ZNF84: variants seen among roughly 807,000 people sequenced by gnomAD.
ZNF84 encodes zinc finger protein HPF2.
Under a neutral mutation model 14.8 loss-of-function variants are expected in ZNF84, and 12 were observed. The ratio of observed to expected loss-of-function variants is 0.81; its 90% CI spans 0.52 to 1.31. ZNF84 has a LOEUF of 1.31. Among genes scored for constraint, ZNF84 ranks in the 50% most tolerant of loss-of-function variants. ZNF84 has a pLI of 0.00. For synonymous variants in ZNF84, 347 were observed against 291.1 expected (o/e 1.19, Z -1.96); for missense variants, 859 against 878.6 (o/e 0.98, Z 0.28).
At position 133,058,455 on chromosome 12, in the gene ZNF84, C is replaced by G; in HGVS notation, c.1740C>G (p.Phe580Leu). ...PYECRDCEKAFSQKSQLNTHQ... is the reference protein window; with the variant it reads ...PYECRDCEKALSQKSQLNTHQ... ...AATGCAGGGACTGTGAAAAAGCTTT[C>G]TCCCAGAAATCACAGCTAAATACCC... Residue 580 changes from phenylalanine (F) to leucine (L), a missense_variant, in exon 5 of 5, where the codon TTC becomes TTG. Phe to Leu is a conservative substitution (Grantham distance 22). Coordinates refer to ENST00000539354, the MANE Select transcript of ZNF84 (RefSeq NM_001289971.2). The G allele has an allele frequency of 6.2e-7, 1 of 1,614,052 alleles. No homozygotes were observed. Among genetic ancestry groups the G allele is most frequent in the Non-Finnish European group, 8.5e-7 (1 of 1,180,016 alleles).
intron 4 of ZNF84, among the ~76,000 whole-genome samples, chr12:133,049,857 C>T (rs1420754096): frequency 2.0e-5 from 3 of 152,186 alleles, no homozygotes; most frequent in East Asian, 1.9e-4. Flanking sequence ...TAAAGCCTTC[C>T]TCCCTCAACT....
intron 2 of ZNF84, among the ~76,000 whole-genome samples, chr12:133,042,076 T>G (rs973634444): frequency 6.6e-6 from 1 of 152,206 alleles, no homozygotes; most frequent in Admixed American, 6.5e-5. Context: ...GCCTCATCCC[T>G]TGGTCCAGCA....
At position 133,060,264 on chromosome 12, in the gene ZNF84, T is replaced by A. The variant is rs997915967; in HGVS notation, c.*1332T>A. The stretch of plus-strand genomic sequence containing the variant: ...TGTAAAAATTAGATGGATAAATGAA[T>A]TATTAAAAAATCACATTTCTGAAGA... On this transcript the variant is annotated 3_prime_UTR_variant, in exon 5 of 5. Coordinates refer to ENST00000539354, the MANE Select transcript of ZNF84 (RefSeq NM_001289971.2). The A allele has an allele frequency of 1.9e-4, 29 of 151,904 alleles. No individual in the cohort carries two copies. Among genetic ancestry groups the A allele is most frequent in the African/African-American group, 6.8e-4 (28 of 41,228 alleles). 9.4% of individuals were successfully genotyped at this position (151,904 alleles called of 1,614,324 possible). A position where few individuals can be genotyped will look rare whatever the true frequency, so the allele number is the denominator to read the frequency against.
rs1478919653 is a variant in ZNF84, at chr12:133,057,794, C to T, written c.1079C>T (p.Ser360Leu). Residue 360 changes from serine (S) to leucine (L), a missense_variant, in exon 5 of 5, where the codon TCA becomes TTA. By Grantham distance (145) the Ser-to-Leu change is moderately radical. Transcript: ENST00000539354. Reference protein sequence around the residue: ...RECGKAFSRKSQLVTHHRTHT... With the variant: ...RECGKAFSRKLQLVTHHRTHT... ...TGTGGGAAAGCCTTCAGCAGGAAGT[C>T]ACAACTCGTTACACATCACAGAACT... is the stretch of plus-strand genomic sequence containing the variant. The T allele has an allele frequency of 6.2e-7, 1 of 1,614,158 alleles. No individual in the cohort carries two copies. The highest frequency in any genetic ancestry group is 1.3e-5 in the African/African-American group (1 of 75,024).
At chr12:133,046,347 GTTTTTTTTTTTT>G (rs58214468) in intron 2 of ZNF84, among the ~76,000 whole-genome samples, 14 of 116,402 alleles carry the variant, frequency 1.2e-4, no homozygotes, top group African/African-American at 4.0e-4. Context: ...AGTCCTCACA[GTTTTTTTTTTTT>G]TTTTTTTTTT....
In ZNF84 at chr12:133,058,689, T is replaced by G; in HGVS notation, c.1974T>G (p.Ser658Arg). 6.2e-7 allele frequency: 1 copy of G among 1,614,010 alleles called. No individual in the cohort carries two copies. Among genetic ancestry groups the G allele is most frequent in the Non-Finnish European group, 8.5e-7 (1 of 1,179,986 alleles). ...CAGGAGAGAAGCCTTTTGAATGCAG[T>G]GAGTGTGGCAAAGCTTTCTCTCGGA... is the stretch of plus-strand genomic sequence containing the variant. ...IHTGEKPFEC[S>R]ECGKAFSRKS... Residue 658 changes from serine (S) to arginine (R), a missense_variant, in exon 5 of 5, where the codon AGT becomes AGG. By Grantham distance (110) the Ser-to-Arg change is moderately radical. Coordinates refer to ENST00000539354, the MANE Select transcript of ZNF84 (RefSeq NM_001289971.2).
intron 2 of ZNF84, among the ~76,000 whole-genome samples, chr12:133,043,714 T>A (rs1390272749): frequency 1.3e-5 from 2 of 152,184 alleles, no homozygotes; most frequent in Non-Finnish European, 2.9e-5. Context: ...ATACGCAATA[T>A]TTTGGCATAT....
intron 2 of ZNF84, among the ~76,000 whole-genome samples, chr12:133,046,331 C>G (rs1953975846): frequency 1.6e-5 from 2 of 128,904 alleles, no homozygotes; most frequent in Admixed American, 7.8e-5. Flanking sequence ...GTTTTTGTAT[C>G]TCTTCAGTCC....
At position 133,059,202 on chromosome 12, in the gene ZNF84, C is replaced by G; in HGVS notation, c.*270C>G. ...GAAGAATCCTGTGAATGTCCAAAAG[C>G]CTTCCAGAAGTCAAGTCTCTTAAGC... On this transcript the variant is annotated 3_prime_UTR_variant, in exon 5 of 5. Coordinates refer to ENST00000539354, the MANE Select transcript of ZNF84 (RefSeq NM_001289971.2). 4 of 411,030 alleles carry G rather than the reference C, an allele frequency of 9.7e-6. No homozygotes were observed. Among genetic ancestry groups the G allele is most frequent in the Non-Finnish European group, 1.7e-5 (4 of 232,966 alleles). 25.5% of individuals were successfully genotyped at this position (411,030 alleles called of 1,614,324 possible).
At position 133,058,617 on chromosome 12, in the gene ZNF84, A is replaced by G. The variant is rs1954204349; in HGVS notation, c.1902A>G (p.Lys634=). ...CTTATGAATGCAATGAATGTAGAAAAGCCTTCAGGGAGAAGTCAAGTCTCA... is the reference window on the plus strand; with the variant it reads ...CTTATGAATGCAATGAATGTAGAAAGGCCTTCAGGGAGAAGTCAAGTCTCA... ...EKPYECNECR[K]AFREKSSLIN... Residue 634 remains lysine, a synonymous_variant, in exon 5 of 5, where the codon AAA becomes AAG. Transcript: ENST00000539354. 2 of 1,614,046 alleles carry G rather than the reference A, an allele frequency of 1.2e-6. No homozygotes were observed. Among genetic ancestry groups the G allele is most frequent in the Non-Finnish European group, 1.7e-6 (2 of 1,180,032 alleles).
chr12:133,058,440 C>A lies in ZNF84; in HGVS notation c.1725C>A (p.Asp575Glu). The A allele has an allele frequency of 6.2e-7, 1 of 1,613,658 alleles. No homozygotes were observed. Among genetic ancestry groups the A allele is most frequent in the South Asian group, 1.1e-5 (1 of 91,064 alleles). The change falls in exon 5 of 5, where the codon GAC (aspartate) becomes GAA (glutamate). Residue 575 changes from aspartate to glutamate, a missense_variant. Transcript: ENST00000539354. ...HTGEKPYECRDCEKAFSQKSQ... is the reference protein window; with the variant it reads ...HTGEKPYECRECEKAFSQKSQ... ...GAGAAAAACCGTATGAATGCAGGGACTGTGAAAAAGCTTTCTCCCAGAAAT... is the reference window on the plus strand; with the variant it reads ...GAGAAAAACCGTATGAATGCAGGGAATGTGAAAAAGCTTTCTCCCAGAAAT...
In ZNF84 at chr12:133,047,951, A is replaced by T. The variant is rs1294534162; in HGVS notation, c.16-4A>T. ...TCAGATTTACCAGGATTGTGCTCTTACAGGAGTCATTCTCATTTGACGATT... is the reference window on the plus strand; with the variant it reads ...TCAGATTTACCAGGATTGTGCTCTTTCAGGAGTCATTCTCATTTGACGATT... On this transcript the variant is annotated splice_region_variant and splice_polypyrimidine_tract_variant and intron_variant, in intron 2 of 4. Coordinates refer to ENST00000539354, the MANE Select transcript of ZNF84 (RefSeq NM_001289971.2). 6.2e-7 allele frequency: 1 copy of T among 1,613,650 alleles called. No homozygotes were observed. Among genetic ancestry groups the T allele is most frequent in the Non-Finnish European group, 8.5e-7 (1 of 1,179,802 alleles).
intron 4 of ZNF84, among the ~76,000 whole-genome samples, chr12:133,056,357 C>T (rs1234090112): frequency 3.9e-5 from 6 of 152,052 alleles, no homozygotes; most frequent in Admixed American, 6.6e-5. Context: ...GGGTTCACAC[C>T]GTTCTCCTGC....
At chr12:133,046,900 A>G (rs1181467190) in intron 2 of ZNF84, among the ~76,000 whole-genome samples, 2 of 144,272 alleles carry the variant, frequency 1.4e-5, no homozygotes, top group Non-Finnish European at 3.0e-5. Flanking sequence ...TTTTTAATAT[A>G]ATATTTATAT....
intron 1 of ZNF84, among the ~76,000 whole-genome samples, chr12:133,038,138 CATT>C (rs1953821571): frequency 6.6e-6 from 1 of 152,002 alleles, no homozygotes; most frequent in African/African-American, 2.4e-5. Context: ...TTAGGGTTTC[CATT>C]ATTTTAAAAT....
rs1954212542 is a variant in ZNF84, at chr12:133,059,034, C to G, written c.*102C>G. The G allele has an allele frequency of 1.8e-6, 2 of 1,112,844 alleles. No individual in the cohort carries two copies. Among genetic ancestry groups the G allele is most frequent in the Non-Finnish European group, 2.6e-6 (2 of 783,110 alleles). The allele number at this position is 1,112,844 out of a possible 1,614,324, so 68.9% of individuals were successfully genotyped here. On this transcript the variant is annotated 3_prime_UTR_variant, in exon 5 of 5. Coordinates refer to ENST00000539354, the MANE Select transcript of ZNF84 (RefSeq NM_001289971.2). ...TCACGTCATGTTAGGTGTTTGTACT[C>G]CATGAGGATGAGAACTCTAAATGAG...
chr12:133,038,751 C>A (rs1282270360), intron 1 of ZNF84: 1 of 151,978 alleles, frequency 6.6e-6, no homozygotes, highest in African/African-American at 2.4e-5. Context: ...TTTTATAGTT[C>A]TCATTGGTGT....
intron 4 of ZNF84, among the ~76,000 whole-genome samples, chr12:133,052,306 GGA>G (rs150103675): frequency 6.6e-6 from 1 of 151,438 alleles, no homozygotes; most frequent in African/African-American, 2.4e-5. Context: ...GTGTGTACAT[GGA>G]GAGAGAGAGA....
At chr12:133,042,984 T>C (rs1413934972) in intron 2 of ZNF84, among the ~76,000 whole-genome samples, 2 of 152,300 alleles carry the variant, frequency 1.3e-5, no homozygotes, top group East Asian at 3.9e-4. Context: ...GGTCTCCATT[T>C]CCTGACTTTA....
Sources: gnomAD v4.1 joint callset for allele counts (sites outside exome capture counted in the v4.1 genomes callset) on GRCh38, gnomAD v4.1.1 for gene constraint, MANE v1.5 for transcripts, NCBI Gene and HGNC (gene_info 2026-07-23, HGNC 2026-07-21) for gene names.